DNAH6: variants seen among roughly 807,000 people sequenced by gnomAD.
DNAH6 encodes the protein dynein axonemal heavy chain 6, also known as axonemal beta dynein heavy chain 6.
DNAH6 carries 340 observed loss-of-function variants against 491.4 expected under a neutral mutation model. That is an observed-to-expected ratio of 0.69 (90% CI 0.63 to 0.76). The LOEUF (loss-of-function observed/expected upper bound fraction) is 0.76, where lower values mean the gene tolerates loss of function less well. Ranked by LOEUF, DNAH6 falls within the 30% of genes least tolerant of loss-of-function variation. The pLI, the probability that DNAH6 is intolerant of heterozygous loss-of-function variation, is 0.00. For synonymous variants in DNAH6, 1,603 were observed against 1,686.1 expected, an observed-to-expected ratio of 0.95 and a Z score of 1.21; for missense variants, 4,443 against 4,972.2, an observed-to-expected ratio of 0.89 and a Z score of 3.20.
chr2:84,663,974 A>G (rs898856966), intron 37 of DNAH6, among the ~76,000 whole-genome samples: 1 of 152,218 alleles, frequency 6.6e-6, no homozygotes, highest in African/African-American at 2.4e-5. Flanking sequence ...TTTTCAACCC[A>G]GAATTTCATA....
At chr2:84,669,232 C>G in intron 37 of DNAH6, 57 bp from the exon 38 acceptor site, 2 of 1,310,818 alleles carry the variant, frequency 1.5e-6, no homozygotes, top group Non-Finnish European at 2.2e-6. Flanking sequence ...GTATCTACTA[C>G]TGTGTGTCAA....
rs1238912729 is a variant in DNAH6, at chr2:84,733,505, A to T, written c.10268A>T (p.Asp3423Val). 6.4e-7 allele frequency: 1 copy of T among 1,551,504 alleles called. No individual in the cohort carries two copies. The highest frequency in any genetic ancestry group is 1.2e-5 in the South Asian group (1 of 84,050). Residue 3423 changes from aspartate (D) to valine (V), a missense_variant, in exon 62 of 77, where the codon GAC becomes GTC. Asp to Val is a radical substitution (Grantham distance 152, BLOSUM62 -3). Coordinates refer to ENST00000389394, the MANE Select transcript of DNAH6 (RefSeq NM_001370.2). ...ACTGCTACATGGTTCGCATGCTGTG[A>T]CTTGGAAGAATCATTTCCAGTTTTT... ...LPTATWFACC[D>V]LEESFPVFHG...
chr2:84,657,163 G>A (rs1483637473), intron 35 of DNAH6, among the ~76,000 whole-genome samples: 1 of 151,936 alleles, frequency 6.6e-6, no homozygotes, highest in East Asian at 1.9e-4. Context: ...CTATTTCTGT[G>A]CTCTCCATTC....
At position 84,814,051 on chromosome 2, in the gene DNAH6, C is replaced by T. The variant is rs769810877; in HGVS notation, c.12079C>T (p.Arg4027Trp). The change falls in exon 75 of 77, where the codon CGG (arginine) becomes TGG (tryptophan). Residue 4027 changes from arginine to tryptophan, a missense_variant. Around this residue, in one of 3 missense-constraint regions of DNAH6, gnomAD observed 1,463 missense variants for 1,656.6 expected, o/e 0.88. Coordinates refer to ENST00000389394, the MANE Select transcript of DNAH6 (RefSeq NM_001370.2). ...CAAATACAGCGTAATTCCCACCTAT[C>T]GGGATCAAGCTGCAGTGATAGAAGC... ...SFKYSVIPTY[R>W]DQAAVIEAAK... The T allele has an allele frequency of 6.4e-6, 10 of 1,551,590 alleles. No individual in the cohort carries two copies. Among genetic ancestry groups the T allele is most frequent in the Admixed American group, 2.0e-5 (1 of 50,990 alleles).
rs1489175594 is a variant in DNAH6, at chr2:84,787,256, T to C, written c.11193T>C (p.Tyr3731=). The C allele has an allele frequency of 1.4e-5, 21 of 1,547,982 alleles. No homozygotes were observed. Among genetic ancestry groups the C allele is most frequent in the Non-Finnish European group, 1.8e-5 (21 of 1,144,574 alleles). The change falls in exon 68 of 77, where the codon TAT becomes TAC. Residue 3731 remains tyrosine, a synonymous_variant. Coordinates refer to ENST00000389394, the MANE Select transcript of DNAH6 (RefSeq NM_001370.2). ...RECALLNLKL[Y]CKEGKIPWDA... is the part of the protein sequence containing the mutation. ...GTGCTTTACTGAATCTCAAACTCTATTGTAAAGAAGGAAAGATTCCCTGGG... is the reference window on the plus strand; with the variant it reads ...GTGCTTTACTGAATCTCAAACTCTACTGTAAAGAAGGAAAGATTCCCTGGG...
chr2:84,777,424 C>A, intron 64 of DNAH6: 1 of 578,498 alleles, frequency 1.7e-6, no homozygotes. Flanking sequence ...CATAGAGACC[C>A]TTAATCATGG....
At chr2:84,481,061 T>A in the DNAH6 span, among the ~76,000 whole-genome samples, 1 of 152,106 alleles carries the variant, frequency 6.6e-6, no homozygotes, top group African/African-American at 2.4e-5. Flanking sequence ...AATGTCTCTG[T>A]CTTGGATCCT....
At chr2:84,748,130 G>A (rs906302677) in intron 63 of DNAH6, among the ~76,000 whole-genome samples, 1 of 152,166 alleles carries the variant, frequency 6.6e-6, no homozygotes, top group African/African-American at 2.4e-5. Context: ...TGCCTTGAAT[G>A]GTAGCACCTG....
chr2:84,680,364 G>A (rs551622711), intron 41 of DNAH6, among the ~76,000 whole-genome samples: 1 of 152,198 alleles, frequency 6.6e-6, no homozygotes, highest in South Asian at 2.1e-4. Context: ...AGCACTTGCG[G>A]GTCAAGGACT....
intron 60 of DNAH6, 33 bp downstream of exon 60, chr2:84,722,837 C>A (rs767723424): frequency 6.2e-6 from 8 of 1,289,946 alleles, no homozygotes; most frequent in Admixed American, 3.2e-5. Context: ...TGACAGTCAT[C>A]TCTTTGGCCT....
chr2:84,694,624 T>C (rs1263817430), intron 46 of DNAH6, 144 bp downstream of exon 46: 2 of 612,266 alleles, frequency 3.3e-6, no homozygotes, highest in Admixed American at 3.1e-5. Context: ...AAAAGACTTT[T>C]ATAATACATT....
chr2:84,473,354 T>C, the DNAH6 span, among the ~76,000 whole-genome samples: 1 of 152,220 alleles, frequency 6.6e-6, no homozygotes, highest in Non-Finnish European at 1.5e-5. Flanking sequence ...CAATTTGGTC[T>C]AAGTACAGAG....
At chr2:84,760,185 A>C (rs1341526241) in intron 63 of DNAH6, among the ~76,000 whole-genome samples, 2 of 152,214 alleles carry the variant, frequency 1.3e-5, no homozygotes, top group Admixed American at 1.3e-4. Context: ...CTAAAGACTT[A>C]AAAGTAAGAC....
At chr2:84,713,785 A>G (rs1238946375) in intron 57 of DNAH6, among the ~76,000 whole-genome samples, 1 of 151,598 alleles carries the variant, frequency 6.6e-6, no homozygotes, top group Non-Finnish European at 1.5e-5. Context: ...CCATTTGAAA[A>G]CTCTAGGAAC....
intron 61 of DNAH6, among the ~76,000 whole-genome samples, chr2:84,730,964 A>T (rs1699071647): frequency 6.6e-6 from 1 of 152,250 alleles, no homozygotes; most frequent in African/African-American, 2.4e-5. Flanking sequence ...CACTTCCAGC[A>T]TGACAGTGTG....
chr2:84,763,026 T>C, intron 64 of DNAH6, 81 bp downstream of exon 64: 1 of 1,019,562 alleles, frequency 9.8e-7, no homozygotes, highest in Non-Finnish European at 1.5e-6. Context: ...TTCTTCCCCT[T>C]GTAGAGCATA....
At chr2:84,634,461 G>A in intron 29 of DNAH6, 43 bp from the exon 30 acceptor site, 2 of 1,455,520 alleles carry the variant, frequency 1.4e-6, no homozygotes, top group South Asian at 3.0e-5. Flanking sequence ...TGAAGGAGCT[G>A]AACTACACAA....
At chr2:84,517,590 G>C (rs1675717127) in intron 1 of DNAH6, among the ~76,000 whole-genome samples, 1 of 152,146 alleles carries the variant, frequency 6.6e-6, no homozygotes, top group Non-Finnish European at 1.5e-5. Context: ...AAATTCCTGG[G>C]TTCCACCCTA....
chr2:84,784,624 C>T, intron 65 of DNAH6, 98 bp from the exon 66 acceptor site: 1 of 732,932 alleles, frequency 1.4e-6, no homozygotes, highest in Non-Finnish European at 2.3e-6. Context: ...AAGCTTATAG[C>T]ATTTTTTCCT....
Sources: gnomAD v4.1 joint callset for allele counts (sites outside exome capture counted in the v4.1 genomes callset) on GRCh38, gnomAD v4.1.1 for gene constraint, gnomAD v4.1.1 regional missense constraint, MANE v1.5 for transcripts, NCBI Gene and HGNC (gene_info 2026-07-23, HGNC 2026-07-21) for gene names.